Variants in PSMA6 observed in about 807,000 individuals in gnomAD.
PSMA6 encodes proteasome subunit alpha type-6.
For synonymous variants in PSMA6, 88 were observed against 97.7 expected (o/e 0.90, Z 0.59); for missense variants, 170 against 294.8 (o/e 0.58, Z 3.10).
rs569988978 is a variant in PSMA6, at chr14:35,308,527, C to T, written c.172-387C>T. Reference sequence around the variant, plus strand: ...CATAATCTTGCTTTGACCCTGCTTTCCTGTCATCCAAGAAGTGTCTATTGA... The same window carrying T: ...CATAATCTTGCTTTGACCCTGCTTTTCTGTCATCCAAGAAGTGTCTATTGA... On this transcript the variant is annotated intron_variant, in intron 2 of 6. Transcript: ENST00000261479. 2.6e-4 allele frequency: 50 copies of T among 194,194 alleles called. 1 individual carries two copies. Among genetic ancestry groups the T allele is most frequent in the Middle Eastern group, 4.7e-3 (2 of 430 alleles). The allele number at this position is 194,194 out of a possible 1,614,324, so 12.0% of individuals were successfully genotyped here.
chr14:35,283,329 C>G (rs945702808), intron 1 of PSMA6, among the ~76,000 whole-genome samples: 2 of 147,852 alleles, frequency 1.4e-5, no homozygotes, highest in Non-Finnish European at 3.0e-5. Context: ...GAGTACGAGA[C>G]CAGCCTGGGC....
intron 6 of PSMA6, 99 bp downstream of exon 6, chr14:35,314,554 C>G: frequency 7.5e-7 from 1 of 1,331,650 alleles, no homozygotes; most frequent in Non-Finnish European, 9.8e-7. Context: ...CTTTAACTGT[C>G]ATTATAGTTT....
chr14:35,306,510 C>T (rs1191581271), intron 1 of PSMA6, among the ~76,000 whole-genome samples: 1 of 152,030 alleles, frequency 6.6e-6, no homozygotes, highest in African/African-American at 2.4e-5. Flanking sequence ...TCAAGACCAG[C>T]CTAGTCAACA....
intron 1 of PSMA6, among the ~76,000 whole-genome samples, chr14:35,296,315 C>T (rs1415516160): frequency 1.4e-5 from 2 of 148,050 alleles, no homozygotes; most frequent in Non-Finnish European, 3.0e-5. Flanking sequence ...TCAATGTTTT[C>T]TGGGTGTTTG....
At chr14:35,300,273 A>G (rs184166007) in intron 1 of PSMA6, among the ~76,000 whole-genome samples, 4,853 of 152,228 alleles carry the variant, frequency 0.032, 261 homozygotes, top group African/African-American at 0.11. Flanking sequence ...GTTCGAAACT[A>G]GCCTGGACAA....
At chr14:35,281,787 G>A (rs1005254537) in intron 1 of PSMA6, among the ~76,000 whole-genome samples, 13 of 152,060 alleles carry the variant, frequency 8.5e-5, no homozygotes, top group African/African-American at 2.9e-4. Context: ...TTATAAAATA[G>A]AGACAGGATC....
chr14:35,307,031 C>T (rs2051841591), intron 1 of PSMA6, among the ~76,000 whole-genome samples: 1 of 151,996 alleles, frequency 6.6e-6, no homozygotes, highest in Admixed American at 6.6e-5. Context: ...ACCTGTAATC[C>T]CAGCTACTCA....
chr14:35,281,680 C>T (rs2051367444), intron 1 of PSMA6, among the ~76,000 whole-genome samples: 1 of 152,178 alleles, frequency 6.6e-6, no homozygotes, highest in Non-Finnish European at 1.5e-5. Context: ...TGTTATGAAC[C>T]TCTTCATCAA....
chr14:35,312,032 T>A (rs770567454), intron 4 of PSMA6, among the ~76,000 whole-genome samples: 1 of 152,132 alleles, frequency 6.6e-6, no homozygotes. Flanking sequence ...CAGCATTTAA[T>A]ATGCTATTAT....
In PSMA6 at chr14:35,308,892, CTTTGTTTAT is replaced by C; in HGVS notation, c.172-11_172-3del. The C allele has an allele frequency of 2.0e-6, 3 of 1,532,990 alleles. No individual in the cohort carries two copies. The highest frequency in any genetic ancestry group is 2.7e-6 in the Non-Finnish European group (3 of 1,117,658). The allele number at this position is 1,532,990 out of a possible 1,614,324, so 95.0% of individuals were successfully genotyped here. ...ACCTGTATGTTTTTTAAAAAATTAT[CTTTGTTTAT>C]TTTGTTTATTAGGACAAATTATTGG... On this transcript the variant is annotated splice_polypyrimidine_tract_variant and intron_variant, in intron 2 of 6. Transcript: ENST00000261479.
chr14:35,287,330 A>G (rs2051430387), intron 1 of PSMA6, among the ~76,000 whole-genome samples: 1 of 151,718 alleles, frequency 6.6e-6, no homozygotes, highest in South Asian at 2.1e-4. Flanking sequence ...ACATCAGGAT[A>G]CTCCTCTAAG....
Position 35,317,245 on chromosome 14 carries a change from C to G in PSMA6, c.684-4C>G. The G allele has an allele frequency of 6.2e-7, 1 of 1,612,462 alleles. No homozygotes were observed. On this transcript the variant is annotated splice_region_variant and splice_polypyrimidine_tract_variant and intron_variant, in intron 6 of 6. Coordinates refer to ENST00000261479, the MANE Select transcript of PSMA6 (RefSeq NM_002791.3). ...GTTGTTTTTTTCCCCCTTTTGCCTT[C>G]TAGGATTCTTACAGAAGCAGAGATT...
At chr14:35,278,659 G>C in exon 1 of PSMA6, 1 of 1,534,876 alleles carries the variant, frequency 6.5e-7, no homozygotes, top group Non-Finnish European at 8.7e-7. Flanking sequence ...AGAATGGGAT[G>C]GAGCCTCCAC....
chr14:35,301,170 G>A (rs1479713235), intron 1 of PSMA6, among the ~76,000 whole-genome samples: 1 of 152,112 alleles, frequency 6.6e-6, no homozygotes, highest in African/African-American at 2.4e-5. Context: ...GAAGTTCAGA[G>A]AAGTAGGAGA....
intron 1 of PSMA6, among the ~76,000 whole-genome samples, chr14:35,284,795 TATG>T (rs2051403281): frequency 6.6e-6 from 1 of 152,202 alleles, no homozygotes; most frequent in African/African-American, 2.4e-5. Flanking sequence ...TCTATAATCA[TATG>T]ATATCTTCAG....
At chr14:35,310,658 A>T in intron 3 of PSMA6, 82 bp from the exon 4 acceptor site, 9 of 1,454,756 alleles carry the variant, frequency 6.2e-6, no homozygotes, top group Non-Finnish European at 8.6e-6. Context: ...ATATGGTGGG[A>T]AAATTGCCTG....
At chr14:35,314,625 T>A (rs1420733553) in intron 6 of PSMA6, 170 bp downstream of exon 6, 4 of 767,956 alleles carry the variant, frequency 5.2e-6, no homozygotes, top group Non-Finnish European at 7.2e-6. Context: ...CTTTGGACTC[T>A]ATTTAAGAGT....
At chr14:35,309,200 A>T (rs887300931) in intron 3 of PSMA6, among the ~76,000 whole-genome samples, 1 of 152,220 alleles carries the variant, frequency 6.6e-6, no homozygotes, top group Non-Finnish European at 1.5e-5. Context: ...ATAGAATTAG[A>T]TGCTTATGCT....
intron 1 of PSMA6, among the ~76,000 whole-genome samples, chr14:35,304,502 G>T (rs2051783250): frequency 6.6e-6 from 1 of 152,014 alleles, no homozygotes; most frequent in South Asian, 2.1e-4. Flanking sequence ...GGCCGAGGTG[G>T]GTGTACTACC....
Sources: gnomAD v4.1 joint callset for allele counts (sites outside exome capture counted in the v4.1 genomes callset) on GRCh38, gnomAD v4.1.1 for gene constraint, MANE v1.5 for transcripts, NCBI Gene and HGNC (gene_info 2026-07-23, HGNC 2026-07-21) for gene names.